Variants in PLAG1 observed in about 807,000 individuals in gnomAD.
PLAG1 encodes PLAG1 zinc finger.
In PLAG1, 7 loss-of-function variants were observed where a neutral mutation model predicts 35.5. That is an observed-to-expected ratio of 0.20 (90% CI 0.11 to 0.37). The LOEUF (loss-of-function observed/expected upper bound fraction) is 0.37, where lower values mean the gene tolerates loss of function less well. Ranked by LOEUF, PLAG1 falls within the 10% of genes least tolerant of loss-of-function variation. The pLI is 1.00. For missense variants in PLAG1, 454 were observed against 602.8 expected, an observed-to-expected ratio of 0.75 and a Z score of 2.58; for synonymous variants, 229 against 225.4, an observed-to-expected ratio of 1.02 and a Z score of -0.14.
intron 1 of PLAG1, among the ~76,000 whole-genome samples, chr8:56,192,219 T>C (rs976844115): frequency 6.6e-6 from 1 of 152,330 alleles, no homozygotes; most frequent in East Asian, 1.9e-4. Flanking sequence ...AAAGCTGCCA[T>C]GCAATTGCCA....
Position 56,161,356 on chromosome 8 carries a change from T to C in PLAG1, c.*4887A>G. 4.7e-6 allele frequency: 1 copy of C among 214,306 alleles called. No individual in the cohort carries two copies. The allele number at this position is 214,306 out of a possible 1,614,324, so 13.3% of individuals were successfully genotyped here. On this transcript the variant is annotated 3_prime_UTR_variant, in exon 5 of 5. Coordinates refer to ENST00000316981, the MANE Select transcript of PLAG1 (RefSeq NM_002655.3). The stretch of plus-strand genomic sequence containing the variant: ...GACTCAAAACTTTATCATTAGAACA[T>C]TTTTAGAGTACTAGTCCAAACACTT...
At chr8:56,185,632 A>G (rs1811997712) in intron 1 of PLAG1, among the ~76,000 whole-genome samples, 1 of 152,232 alleles carries the variant, frequency 6.6e-6, no homozygotes, top group Non-Finnish European at 1.5e-5. Flanking sequence ...AAAAGGATAT[A>G]TATCTAGGCA....
chr8:56,176,732 C>T (rs2129227071), intron 2 of PLAG1, among the ~76,000 whole-genome samples: 1 of 151,690 alleles, frequency 6.6e-6, no homozygotes, highest in South Asian at 2.1e-4. Context: ...AGTAGGTAGC[C>T]CACAGGTCAG....
chr8:56,202,098 T>C (rs1314309722), intron 1 of PLAG1, among the ~76,000 whole-genome samples: 1 of 152,086 alleles, frequency 6.6e-6, no homozygotes, highest in Non-Finnish European at 1.5e-5. Flanking sequence ...AGATTTAAAA[T>C]ACTAGTCTAA....
At chr8:56,183,339 A>G (rs1190280176) in intron 1 of PLAG1, among the ~76,000 whole-genome samples, 1 of 152,352 alleles carries the variant, frequency 6.6e-6, no homozygotes. Context: ...AAGATTAAAA[A>G]TTGATAATGT....
At position 56,165,057 on chromosome 8, in the gene PLAG1, C is replaced by T. The variant is rs1299638591; in HGVS notation, c.*1186G>A. On this transcript the variant is annotated 3_prime_UTR_variant, in exon 5 of 5. Coordinates refer to ENST00000316981, the MANE Select transcript of PLAG1 (RefSeq NM_002655.3). ...TCAGAAAGATAACATCGGAGTAGGA[C>T]TGTTGTTTTTGTTTTCTGCTTTTGA... 1 of 206,324 alleles carries T rather than the reference C, an allele frequency of 4.8e-6. No homozygotes were observed. The highest frequency in any genetic ancestry group is 9.9e-6 in the Non-Finnish European group (1 of 101,076). 12.8% of individuals were successfully genotyped at this position (206,324 alleles called of 1,614,324 possible).
At chr8:56,189,436 A>G (rs1450542543) in intron 1 of PLAG1, among the ~76,000 whole-genome samples, 1 of 152,160 alleles carries the variant, frequency 6.6e-6, no homozygotes, top group Non-Finnish European at 1.5e-5. Context: ...CCCTATCTGC[A>G]CAGAGCTCCG....
chr8:56,202,926 C>A (rs1195510596), intron 1 of PLAG1, among the ~76,000 whole-genome samples: 1 of 152,092 alleles, frequency 6.6e-6, no homozygotes, highest in Non-Finnish European at 1.5e-5. Flanking sequence ...AAAAGAAGGG[C>A]TTTTAAGAAA....
chr8:56,180,665 A>G (rs950080661), intron 1 of PLAG1, among the ~76,000 whole-genome samples: 22 of 152,334 alleles, frequency 1.4e-4, no homozygotes, highest in African/African-American at 5.1e-4. Context: ...GAAGGTGTCC[A>G]GTTTCAGTAT....
Position 56,176,046 on chromosome 8 carries a change from C to CTTTT in PLAG1, c.-217+3359_-217+3362dup, listed in dbSNP as rs1309523141. On this transcript the variant is annotated intron_variant, in intron 2 of 4. Coordinates refer to ENST00000316981, the MANE Select transcript of PLAG1 (RefSeq NM_002655.3). ...CTTTTGAAAACTCCCTTTTCCTTTT[C>CTTTT]TTTTTTTTTTTTTTTTTGAGACAGG... Among the ~76,000 whole-genome samples the CTTTT allele has an allele frequency of 2.3e-3, 293 of 130,086 alleles. 4 individuals are homozygous for CTTTT. The highest frequency in any genetic ancestry group is 7.1e-3 in the African/African-American group (244 of 34,578). The allele number at this position is 130,086 out of a possible 152,430, so 85.3% of individuals were successfully genotyped here.
chr8:56,182,578 G>A lies in PLAG1; in HGVS notation c.-321-3065C>T, dbSNP rs544818199. Among the ~76,000 whole-genome samples, 33 of 144,246 alleles carry A rather than the reference G, an allele frequency of 2.3e-4. 1 individual carries two copies. The highest frequency in any genetic ancestry group is 1.0e-3 in the South Asian group (4 of 3,994). The allele number at this position is 144,246 out of a possible 152,430, so 94.6% of individuals were successfully genotyped here. On this transcript the variant is annotated intron_variant, in intron 1 of 4. Transcript: ENST00000316981. ...GCATGAGGACACCAAACTTCAGCAA[G>A]AGAAGTTATTGGGTGGGGCGGGAGG...
Position 56,168,011 on chromosome 8 carries a change from C to A in PLAG1, c.242+17G>T, listed in dbSNP as rs778546509. Reference sequence around the variant, plus strand: ...ATAAGAGAAAATATAATCTGAAAGACAAATAGAGTTTAATACCTTTGTAAT... The same window carrying A: ...ATAAGAGAAAATATAATCTGAAAGAAAAATAGAGTTTAATACCTTTGTAAT... On this transcript the variant is annotated intron_variant, in intron 4 of 4. Transcript: ENST00000316981. 7.6e-7 allele frequency: 1 copy of A among 1,312,620 alleles called. No homozygotes were observed. The highest frequency in any genetic ancestry group is 1.3e-5 in the South Asian group (1 of 76,238). The allele number at this position is 1,312,620 out of a possible 1,614,324, so 81.3% of individuals were successfully genotyped here. A position where few individuals can be genotyped will look rare whatever the true frequency, so the allele number is the denominator to read the frequency against.
rs761898618 is a variant in PLAG1 at position 56,167,371 on chromosome 8, T to A, written c.375A>T (p.Glu125Asp). Residue 125 changes from glutamate to aspartate, a missense_variant, in exon 5 of 5, where the codon GAA becomes GAT. Coordinates refer to ENST00000316981, the MANE Select transcript of PLAG1 (RefSeq NM_002655.3). This position sits in a 1 kb window ranked among gnomAD's most constrained non-coding sequence, Gnocchi z 5.9. ...DPNKETFKCEECGKNYNTKLG... is the reference protein window; with the variant it reads ...DPNKETFKCEDCGKNYNTKLG... ...GCTTGGTATTGTAGTTCTTGCCACA[T>A]TCTTCGCACTTAAACGTCTCTTTGT... is the stretch of plus-strand genomic sequence containing the variant. 1.1e-5 allele frequency: 17 copies of A among 1,614,056 alleles called. No individual in the cohort carries two copies. Among genetic ancestry groups the A allele is most frequent in the Non-Finnish European group, 1.4e-5 (17 of 1,179,964 alleles).
Position 56,167,096 on chromosome 8 carries a change from T to C in PLAG1, c.650A>G (p.Tyr217Cys). 6.2e-7 allele frequency: 1 copy of C among 1,614,014 alleles called. No homozygotes were observed. Among genetic ancestry groups the C allele is most frequent in the East Asian group, 2.2e-5 (1 of 44,890 alleles). The change falls in exon 5 of 5, where the codon TAT becomes TGT. Residue 217 changes from tyrosine (Y) to cysteine (C), a missense_variant. Around this residue, in one of 4 missense-constraint regions of PLAG1, gnomAD observed 9 missense variants for 37.4 expected, o/e 0.24. Transcript: ENST00000316981. The surrounding 1 kb of genome is among the most constrained non-coding windows in gnomAD (Gnocchi z 5.9). ...CTTTCGCCCAAATCTCTGTGCACAATACTGACAGAGGAAGTCCTTTCTTCC... is the reference window on the plus strand; with the variant it reads ...CTTTCGCCCAAATCTCTGTGCACAACACTGACAGAGGAAGTCCTTTCTTCC... ...HTGRKDFLCQ[Y>C]CAQRFGRKDH...
intron 1 of PLAG1, among the ~76,000 whole-genome samples, chr8:56,185,447 A>T (rs1256902982): frequency 2.0e-5 from 3 of 152,232 alleles, no homozygotes; most frequent in Admixed American, 2.0e-4. Flanking sequence ...TGAGAAACTC[A>T]TCATCACATA....
chr8:56,196,066 C>A (rs376713082), intron 1 of PLAG1, among the ~76,000 whole-genome samples: 1 of 152,116 alleles, frequency 6.6e-6, no homozygotes, highest in Non-Finnish European at 1.5e-5. Context: ...TGCCATGGAA[C>A]CAGAGTTGGC....
rs183435750 is a variant in PLAG1, at chr8:56,197,302, G to A, written c.-322+13819C>T. Among the ~76,000 whole-genome samples, 420 of 152,222 alleles carry A rather than the reference G, an allele frequency of 2.8e-3. 2 individuals carry two copies. The highest frequency in any genetic ancestry group is 9.6e-3 in the African/African-American group (397 of 41,514). ...AGTGCGTCTCCGCTCACATCCTGGCGTGAGTGTAACTCTTTCTCCTGCCCA... is the reference window on the plus strand; with the variant it reads ...AGTGCGTCTCCGCTCACATCCTGGCATGAGTGTAACTCTTTCTCCTGCCCA... On this transcript the variant is annotated intron_variant, in intron 1 of 4. Transcript: ENST00000316981.
intron 3 of PLAG1, among the ~76,000 whole-genome samples, chr8:56,170,431 A>C (rs533207547): frequency 1.3e-5 from 2 of 152,360 alleles, no homozygotes; most frequent in East Asian, 3.9e-4. Context: ...GTGACCAGTA[A>C]TGACACTATA....
At chr8:56,193,954 G>A (rs371237240) in intron 1 of PLAG1, among the ~76,000 whole-genome samples, 9 of 152,010 alleles carry the variant, frequency 5.9e-5, no homozygotes, top group East Asian at 1.9e-4. Context: ...TCTCGACCCC[G>A]TGATCCACTC....
Sources: allele counts gnomAD v4.1 joint callset (sites outside exome capture counted in the v4.1 genomes callset), GRCh38; gene constraint gnomAD v4.1.1; regional missense constraint gnomAD v4.1.1; non-coding constraint Gnocchi (gnomAD v3.1); transcripts MANE v1.5; gene names NCBI Gene and HGNC (gene_info 2026-07-23, HGNC 2026-07-21).